CBFA2T3: variants seen among roughly 807,000 people sequenced by gnomAD.
The protein encoded by CBFA2T3 is transcriptional corepressor CBFA2T3.
Under a neutral mutation model 58.6 loss-of-function variants are expected in CBFA2T3, and 31 were observed. The ratio of observed to expected loss-of-function variants is 0.53; its 90% CI spans 0.40 to 0.71. CBFA2T3 has a LOEUF of 0.71. CBFA2T3 is among the 30% of genes least tolerant of loss of function. The probability of loss-of-function intolerance (pLI) is 0.00; values close to 1 mark genes in which losing one functional copy is unlikely to be tolerated. For synonymous variants in CBFA2T3, 531 were observed against 421.9 expected (o/e 1.26, Z -3.17); for missense variants, 1,076 against 963.1 (o/e 1.12, Z -1.55).
At chr16:88,886,385 G>T in intron 5 of CBFA2T3, 2 of 387,750 alleles carry the variant, frequency 5.2e-6, no homozygotes, top group Non-Finnish European at 9.2e-6. Flanking sequence ...GCGATGTGGG[G>T]CATGTGGGAC....
At chr16:88,914,457 A>G (rs1567604214) in intron 1 of CBFA2T3, among the ~76,000 whole-genome samples, 1 of 152,280 alleles carries the variant, frequency 6.6e-6, no homozygotes, top group Non-Finnish European at 1.5e-5. Context: ...ATGAGTGAAC[A>G]TCAACAAGGC....
At position 88,976,009 on chromosome 16, in the gene CBFA2T3, G is replaced by A. The variant is rs754573068; in HGVS notation, c.151+648C>T. On this transcript the variant is annotated intron_variant, in intron 1 of 11. Transcript: ENST00000268679. ...CCAGCCTGCAGCTGCAGCCCCCAGC[G>A]TCCGGGGATCCTTGTCCTGGGACTT... is the stretch of plus-strand genomic sequence containing the variant. Among the ~76,000 whole-genome samples the A allele has an allele frequency of 3.9e-4, 60 of 152,348 alleles. No individual in the cohort carries two copies. In the Middle Eastern group the frequency reaches 0.02, roughly 52 times the overall value.
chr16:88,891,668 T>C (rs1331519942), intron 5 of CBFA2T3, among the ~76,000 whole-genome samples: 2 of 152,182 alleles, frequency 1.3e-5, no homozygotes, highest in African/African-American at 4.8e-5. Context: ...CCTTAACTAG[T>C]AGGAGTCAAC....
At chr16:88,947,861 C>T (rs1468044550) in intron 1 of CBFA2T3, among the ~76,000 whole-genome samples, 2 of 152,174 alleles carry the variant, frequency 1.3e-5, no homozygotes, top group Non-Finnish European at 2.9e-5. Flanking sequence ...CTGCAGGGAG[C>T]TATGATCACG....
intron 1 of CBFA2T3, among the ~76,000 whole-genome samples, chr16:88,903,662 G>GC (rs1364475031): frequency 8.1e-6 from 1 of 124,138 alleles, no homozygotes; most frequent in Non-Finnish European, 1.7e-5. Context: ...TCCCGGCTGG[G>GC]GGGGGGGGCG....
At position 88,899,838 on chromosome 16, in the gene CBFA2T3, C is replaced by A. The variant is rs1597694953; in HGVS notation, c.304+1666G>T. Among the ~76,000 whole-genome samples, 4 of 152,270 alleles carry A rather than the reference C, an allele frequency of 2.6e-5. No homozygotes were observed. The East Asian group carries it at 7.7e-4, about 29-fold the overall frequency. On this transcript the variant is annotated intron_variant, in intron 2 of 11. Coordinates refer to ENST00000268679, the MANE Select transcript of CBFA2T3 (RefSeq NM_005187.6). The stretch of plus-strand genomic sequence containing the variant: ...CCGTGGTCCGTCCTGAGCGTTTCCT[C>A]CCCCGGGGCTGGGGTATACTGCAAA...
chr16:88,898,598 CCT>C (rs941784595), intron 2 of CBFA2T3, among the ~76,000 whole-genome samples: 3 of 152,218 alleles, frequency 2.0e-5, no homozygotes, highest in African/African-American at 7.2e-5. Flanking sequence ...CCAGAAGGCC[CCT>C]GTGACCCCAT....
In CBFA2T3 at chr16:88,925,589, C is replaced by G. The variant is rs147854420; in HGVS notation, c.152-23933G>C. Among the ~76,000 whole-genome samples the G allele has an allele frequency of 1.6e-3, 240 of 152,312 alleles. 5 individuals are homozygous for G. The Middle Eastern group carries it at 0.02, about 13-fold the overall frequency. On this transcript the variant is annotated intron_variant, in intron 1 of 11. Coordinates refer to ENST00000268679, the MANE Select transcript of CBFA2T3 (RefSeq NM_005187.6). Reference sequence around the variant, plus strand: ...GTCACTTTGCAGTGGCAGACACAGGCTCAGAGAGGCTCCAGGCCTGCCTGA... The same window carrying G: ...GTCACTTTGCAGTGGCAGACACAGGGTCAGAGAGGCTCCAGGCCTGCCTGA...
At position 88,958,500 on chromosome 16, in the gene CBFA2T3, G is replaced by C. The variant is rs567634296; in HGVS notation, c.151+18157C>G. ...GAGTGACACCAGGTCCCGGTGCAGCGCTCGTGAGTGCCCCACATCCCTGGG... is the reference window on the plus strand; with the variant it reads ...GAGTGACACCAGGTCCCGGTGCAGCCCTCGTGAGTGCCCCACATCCCTGGG... On this transcript the variant is annotated intron_variant, in intron 1 of 11. Transcript: ENST00000268679. The surrounding 1 kb of genome is among the most constrained non-coding windows in gnomAD (Gnocchi z 4.0). 6.6e-6 allele frequency among the ~76,000 whole-genome samples: 1 copy of C among 152,170 alleles called. No homozygotes were observed. The highest frequency in any genetic ancestry group is 1.5e-5 in the Non-Finnish European group (1 of 68,020).
intron 1 of CBFA2T3, among the ~76,000 whole-genome samples, chr16:88,966,195 C>T (rs1268055158): frequency 6.6e-6 from 1 of 152,232 alleles, no homozygotes; most frequent in Non-Finnish European, 1.5e-5. Flanking sequence ...AGTCCCAGGA[C>T]TTCCCCGACC....
chr16:88,937,303 C>G (rs909736427), intron 1 of CBFA2T3: 1 of 152,334 alleles, frequency 6.6e-6, no homozygotes, highest in Non-Finnish European at 1.5e-5. Flanking sequence ...GTCCACCCAA[C>G]CTGGCCCTGA....
intron 1 of CBFA2T3, among the ~76,000 whole-genome samples, chr16:88,960,779 TAC>T (rs2142862337): frequency 6.6e-6 from 1 of 152,350 alleles, no homozygotes; most frequent in African/African-American, 2.4e-5. Context: ...AAACCTTGTT[TAC>T]ACCCCCGTTA....
rs536637484 is a variant in CBFA2T3, at chr16:88,892,272, C to T, written c.593G>A (p.Arg198His). The change falls in exon 4 of 12, where the codon CGC becomes CAC. Residue 198 changes from arginine (R) to histidine (H), a missense_variant. Coordinates refer to ENST00000268679, the MANE Select transcript of CBFA2T3 (RefSeq NM_005187.6). ...GSDISPEIGERVRTLVLGLVN... is the reference protein window; with the variant it reads ...GSDISPEIGEHVRTLVLGLVN... ...CAGGCCCAGCACCAGTGTGCGCACG[C>T]GCTCCCCAATCTCTGGGGAGATGTC... 187 of 1,611,554 alleles carry T rather than the reference C, an allele frequency of 1.2e-4. 1 individual carries two copies. In the South Asian group the frequency reaches 1.6e-3, roughly 14 times the overall value.
At chr16:88,928,022 C>T (rs1417724317) in intron 1 of CBFA2T3, among the ~76,000 whole-genome samples, 2 of 152,336 alleles carry the variant, frequency 1.3e-5, no homozygotes, top group Non-Finnish European at 2.9e-5. Flanking sequence ...CCGGCACCCA[C>T]CGCTGCTGAC....
intron 1 of CBFA2T3, among the ~76,000 whole-genome samples, chr16:88,976,417 T>C (rs1972862265): frequency 1.3e-5 from 2 of 151,770 alleles, no homozygotes; most frequent in Non-Finnish European, 2.9e-5. Flanking sequence ...CATCTGCCTC[T>C]GGGTGGGGCT....
chr16:88,882,560 G>T, intron 8 of CBFA2T3, 116 bp downstream of exon 8: 1 of 677,554 alleles, frequency 1.5e-6, no homozygotes, highest in Non-Finnish European at 2.6e-6. Context: ...GTGGCTGTGT[G>T]TGGGCATGGC....
Position 88,976,654 on chromosome 16 carries a change from T to C in CBFA2T3, c.151+3A>G. Reference sequence around the variant, plus strand: ...CCCACCACCTTCCCCTCGAGCCTCTTACCTGGGCCGCCCTTCCTGGGACCC... The same window carrying C: ...CCCACCACCTTCCCCTCGAGCCTCTCACCTGGGCCGCCCTTCCTGGGACCC... On this transcript the variant is annotated splice_donor_region_variant and intron_variant, in intron 1 of 11. Coordinates refer to ENST00000268679, the MANE Select transcript of CBFA2T3 (RefSeq NM_005187.6). The C allele has an allele frequency of 6.4e-7, 1 of 1,557,114 alleles. No individual in the cohort carries two copies. Among genetic ancestry groups the C allele is most frequent in the Non-Finnish European group, 8.7e-7 (1 of 1,149,938 alleles).
At chr16:88,923,576 G>T (rs926259322) in intron 1 of CBFA2T3, among the ~76,000 whole-genome samples, 17 of 152,196 alleles carry the variant, frequency 1.1e-4, no homozygotes, top group African/African-American at 3.4e-4. Context: ...GCCGTGAGGG[G>T]GCAGCTGGGG....
chr16:88,974,513 ACACAGACGTCTCTCCTGCCCGC>A (rs1972743387), intron 1 of CBFA2T3, among the ~76,000 whole-genome samples: 1 of 152,084 alleles, frequency 6.6e-6, no homozygotes, highest in Admixed American at 6.5e-5. Context: ...CCTGCACAGC[ACACAGACGTCTCTCCTGCCCGC>A]CACCAAACGC....
Sources: gnomAD v4.1 joint callset for allele counts (sites outside exome capture counted in the v4.1 genomes callset) on GRCh38, gnomAD v4.1.1 for gene constraint, Gnocchi (gnomAD v3.1) non-coding constraint, MANE v1.5 for transcripts, NCBI Gene and HGNC (gene_info 2026-07-23, HGNC 2026-07-21) for gene names.